Variants in UTS2 observed in about 807,000 individuals in gnomAD.
UTS2 encodes the protein urotensin-2.
UTS2 carries 10 observed loss-of-function variants against 12.6 expected under a neutral mutation model. The observed-to-expected ratio is 0.80, with a 90% CI of 0.49 to 1.35. The LOEUF (loss-of-function observed/expected upper bound fraction) is 1.35. UTS2 is among the 40% of genes most tolerant of loss of function. The pLI is 0.00. For synonymous variants in UTS2, 52 were observed against 50.0 expected (o/e 1.04, Z -0.17); for missense variants, 142 against 143.2 (o/e 0.99, Z 0.04).
the UTS2 span, among the ~76,000 whole-genome samples, chr1:7,868,902 C>T: frequency 1.3e-5 from 2 of 152,166 alleles, no homozygotes; most frequent in African/African-American, 4.8e-5. Flanking sequence ...CAGGAAGAGA[C>T]AAGAGAGCTC....
the UTS2 span, among the ~76,000 whole-genome samples, chr1:7,859,867 C>A: frequency 1.1e-4 from 16 of 152,248 alleles, no homozygotes; most frequent in African/African-American, 3.9e-4. Flanking sequence ...GGCATGGTTG[C>A]ATGCACCTGT....
At chr1:7,882,471 A>G in the UTS2 span, among the ~76,000 whole-genome samples, 154 of 152,320 alleles carry the variant, frequency 1.0e-3, no homozygotes, top group African/African-American at 3.4e-3. Context: ...CTTAGAAGAA[A>G]ACATAGGGGA....
chr1:7,906,048 C>G, the UTS2 span, among the ~76,000 whole-genome samples: 2 of 152,088 alleles, frequency 1.3e-5, no homozygotes, highest in African/African-American at 4.8e-5. Context: ...TTTGAGGAAC[C>G]AACTGCTGCT....
the UTS2 span, among the ~76,000 whole-genome samples, chr1:7,861,196 G>T: frequency 4.6e-5 from 7 of 152,126 alleles, no homozygotes; most frequent in Non-Finnish European, 1.0e-4. Flanking sequence ...CTGAGAACCT[G>T]GCAAGGTGAC....
the UTS2 span, among the ~76,000 whole-genome samples, chr1:7,907,562 A>G: frequency 6.6e-6 from 1 of 151,732 alleles, no homozygotes; most frequent in Non-Finnish European, 1.5e-5. Context: ...TGAAGTAGGA[A>G]CCCAGGAGTT....
chr1:7,909,894 G>A, the UTS2 span, among the ~76,000 whole-genome samples: 3 of 152,122 alleles, frequency 2.0e-5, no homozygotes, highest in African/African-American at 7.2e-5. Flanking sequence ...GATTACAGGC[G>A]TGAGCCACCG....
chr1:7,909,189 G>A, the UTS2 span, among the ~76,000 whole-genome samples: 19,114 of 152,104 alleles, frequency 0.13, 3,951 homozygotes, highest in African/African-American at 0.43. Context: ...GGGAGCTACA[G>A]TTCAAGATGA....
the UTS2 span, among the ~76,000 whole-genome samples, chr1:7,879,347 A>C: frequency 6.6e-6 from 1 of 152,324 alleles, no homozygotes; most frequent in Non-Finnish European, 1.5e-5. Context: ...AGAAATCAAC[A>C]TCAAGAGAAA....
the UTS2 span, among the ~76,000 whole-genome samples, chr1:7,858,922 C>T: frequency 8.5e-5 from 13 of 152,250 alleles, no homozygotes; most frequent in South Asian, 2.1e-4. Flanking sequence ...TGATTCTCCT[C>T]GGTTGTGGGG....
chr1:7,862,257 C>T, the UTS2 span, among the ~76,000 whole-genome samples: 1 of 151,850 alleles, frequency 6.6e-6, no homozygotes, highest in East Asian at 2.0e-4. Context: ...AAAAGCAAAG[C>T]CCTCACAGTG....
At chr1:7,880,425 G>A in the UTS2 span, among the ~76,000 whole-genome samples, 862 of 149,078 alleles carry the variant, frequency 5.8e-3, 8 homozygotes, top group African/African-American at 0.02. Context: ...GGGTGGGGAG[G>A]GGGGAGGGGG....
chr1:7,867,049 T>C, the UTS2 span, among the ~76,000 whole-genome samples: 57 of 152,216 alleles, frequency 3.7e-4, no homozygotes, highest in Middle Eastern at 6.8e-3. Flanking sequence ...TTTGTATTTT[T>C]AGTAGAGGTG....
At chr1:7,877,528 G>T in the UTS2 span, among the ~76,000 whole-genome samples, 6 of 152,182 alleles carry the variant, frequency 3.9e-5, no homozygotes, top group East Asian at 1.2e-3. Flanking sequence ...TTAAATTTTG[G>T]GTAGTCCAGA....
chr1:7,907,081 C>T, the UTS2 span, among the ~76,000 whole-genome samples: 1 of 151,842 alleles, frequency 6.6e-6, no homozygotes, highest in African/African-American at 2.4e-5. Flanking sequence ...TAGTAAGACC[C>T]CATCTCTACC....
chr1:7,910,011 C>G, the UTS2 span, among the ~76,000 whole-genome samples: 1 of 152,164 alleles, frequency 6.6e-6, no homozygotes, highest in Non-Finnish European at 1.5e-5. Flanking sequence ...CATCCAGGAA[C>G]TTGCCTTTTA....
the UTS2 span, among the ~76,000 whole-genome samples, chr1:7,879,794 T>G: frequency 1.3e-5 from 2 of 151,892 alleles, no homozygotes; most frequent in Admixed American, 6.6e-5. Flanking sequence ...AAACAGAATA[T>G]ATCAAAATTT....
chr1:7,887,153 T>G, the UTS2 span, among the ~76,000 whole-genome samples: 2 of 144,716 alleles, frequency 1.4e-5, no homozygotes, highest in African/African-American at 2.5e-5. Flanking sequence ...AAGTGGCATG[T>G]GGGGGACATG....
At chr1:7,870,362 C>T in the UTS2 span, among the ~76,000 whole-genome samples, 32 of 152,278 alleles carry the variant, frequency 2.1e-4, no homozygotes, top group African/African-American at 7.5e-4. Context: ...ACCAGCCCTG[C>T]CAACACCTTG....
the UTS2 span, among the ~76,000 whole-genome samples, chr1:7,890,187 A>G: frequency 3.3e-5 from 5 of 151,876 alleles, no homozygotes; most frequent in Non-Finnish European, 7.4e-5. Context: ...TCCTCCCTCC[A>G]TTAAGAGTGG....
Sources: allele counts gnomAD v4.1 joint callset (sites outside exome capture counted in the v4.1 genomes callset), GRCh38; gene constraint gnomAD v4.1.1; transcripts MANE v1.5; gene names NCBI Gene and HGNC (gene_info 2026-07-23, HGNC 2026-07-21).